Variants in ZNF44 observed in about 807,000 individuals in gnomAD.
The protein encoded by ZNF44 is zinc finger protein 44.
ZNF44 carries 9 observed loss-of-function variants against 11.7 expected under a neutral mutation model. That is an observed-to-expected ratio of 0.77 (90% CI 0.46 to 1.35). The LOEUF is 1.35. Among genes scored for constraint, ZNF44 ranks in the 40% most tolerant of loss-of-function variants. The pLI, the probability that ZNF44 is intolerant of heterozygous loss-of-function variation, is 0.00. For missense variants in ZNF44, 696 were observed against 743.1 expected (o/e 0.94, Z 0.74); for synonymous variants, 224 against 242.7 (o/e 0.92, Z 0.72).
chr19:12,237,924 G>A (rs566290106), upstream of ZNF44: 9 of 152,388 alleles, frequency 5.9e-5, no homozygotes, highest in African/African-American at 1.9e-4. Context: ...TCTTCCTTCT[G>A]GACGGGGGTT....
rs933560013 is a variant in ZNF44, at chr19:12,272,339, C to A, written c.*68G>T. On this transcript the variant is annotated 3_prime_UTR_variant, in exon 4 of 4. Coordinates refer to ENST00000355684, the MANE Select transcript of ZNF44 (RefSeq NM_016264.4). ...TAAGGCTTTACCACGTTTACATTCACAGGATTTATTTCTTTCAAGTATCTG... is the reference window on the plus strand; with the variant it reads ...TAAGGCTTTACCACGTTTACATTCAAAGGATTTATTTCTTTCAAGTATCTG... 4 of 1,442,014 alleles carry A rather than the reference C, an allele frequency of 2.8e-6. No homozygotes were observed. The highest frequency in any genetic ancestry group is 1.4e-5 in the African/African-American group (1 of 69,658). 89.3% of individuals were successfully genotyped at this position (1,442,014 alleles called of 1,614,324 possible). A position where few individuals can be genotyped will look rare whatever the true frequency, so the allele number is the denominator to read the frequency against.
intron 1 of ZNF44, among the ~76,000 whole-genome samples, chr19:12,280,163 G>A (rs1241754874): frequency 6.6e-6 from 1 of 152,064 alleles, no homozygotes; most frequent in Non-Finnish European, 1.5e-5. Context: ...AGGTTGCAGT[G>A]AGCCGAGATC....
At chr19:12,241,834 A>C (rs1916627408), upstream of ZNF44, among the ~76,000 whole-genome samples, 1 of 152,222 alleles carries the variant, frequency 6.6e-6, no homozygotes, top group African/African-American at 2.4e-5. Context: ...GGTGTATCCA[A>C]TATACCACAC....
chr19:12,231,457 C>T (rs903214666), intron 2 of ZNF44, among the ~76,000 whole-genome samples: 1 of 152,174 alleles, frequency 6.6e-6, no homozygotes, highest in African/African-American at 2.4e-5. Flanking sequence ...CAGATTTTGC[C>T]TTGAGGTGGA....
intron 3 of ZNF44, among the ~76,000 whole-genome samples, chr19:12,227,192 C>A (rs1235317307): frequency 6.6e-6 from 1 of 152,244 alleles, no homozygotes; most frequent in Non-Finnish European, 1.5e-5. Flanking sequence ...ATTGTGATAT[C>A]ACAATTTTCA....
chr19:12,294,759 A>G lies in ZNF44; in HGVS notation c.-65T>C. ...TAGTCAGGGTAGGTCCCAGCGCGAC[A>G]AAAGCCACCACAGATGTCCCAGGGC... On this transcript the variant is annotated 5_prime_UTR_variant, in exon 1 of 4. Transcript: ENST00000355684. 1 of 1,529,960 alleles carries G rather than the reference A, an allele frequency of 6.5e-7. No homozygotes were observed. Among genetic ancestry groups the G allele is most frequent in the Non-Finnish European group, 8.8e-7 (1 of 1,136,568 alleles). The allele number at this position is 1,529,960 out of a possible 1,614,324, so 94.8% of individuals were successfully genotyped here.
At chr19:12,288,788 A>G (rs1207609212) in intron 1 of ZNF44, among the ~76,000 whole-genome samples, 2 of 131,124 alleles carry the variant, frequency 1.5e-5, no homozygotes, top group Middle Eastern at 7.5e-3. Flanking sequence ...ATATATATAT[A>G]TATATATATA....
rs572164083 is a variant in ZNF44, at chr19:12,271,998, CTTT to C, written c.*406_*408del. ...CAACTCTATTTGAAAGAAATGGAAACTTTTTTTTTTTTTTTTGAGATGGAGTCT... is the reference window on the plus strand; with the variant it reads ...CAACTCTATTTGAAAGAAATGGAAACTTTTTTTTTTTTTGAGATGGAGTCT... On this transcript the variant is annotated 3_prime_UTR_variant, in exon 4 of 4. Coordinates refer to ENST00000355684, the MANE Select transcript of ZNF44 (RefSeq NM_016264.4). The C allele has an allele frequency of 4.2e-5, 6 of 141,776 alleles. No individual in the cohort carries two copies. The highest frequency in any genetic ancestry group is 6.2e-5 in the Non-Finnish European group (4 of 64,992). 8.8% of individuals were successfully genotyped at this position (141,776 alleles called of 1,614,324 possible). A position where few individuals can be genotyped will look rare whatever the true frequency, so the allele number is the denominator to read the frequency against.
intron 7 of ZNF44, chr19:12,248,753 T>G (rs946705933): frequency 3.2e-6 from 3 of 927,344 alleles, no homozygotes; most frequent in Non-Finnish European, 2.8e-6. Flanking sequence ...CTAGAATAAC[T>G]ATTTTTTCCA....
intron 1 of ZNF44, among the ~76,000 whole-genome samples, chr19:12,292,796 C>T (rs551417210): frequency 1.3e-5 from 2 of 150,604 alleles, no homozygotes; most frequent in East Asian, 2.0e-4. Flanking sequence ...ATAAGCCATG[C>T]GTCACCAAGG....
chr19:12,247,600 T>A, downstream of ZNF44: 1 of 1,333,384 alleles, frequency 7.5e-7, no homozygotes, highest in Non-Finnish European at 9.9e-7. Flanking sequence ...CCACATTTTT[T>A]ACATTCATAC....
chr19:12,267,199 C>G (rs1917769249), downstream of ZNF44, among the ~76,000 whole-genome samples: 5 of 151,978 alleles, frequency 3.3e-5, no homozygotes, highest in South Asian at 1.0e-3. Context: ...CACCCACCAC[C>G]ACACCAGGCT....
intron 5 of ZNF44, among the ~76,000 whole-genome samples, chr19:12,253,375 A>C (rs1917105596): frequency 6.6e-6 from 1 of 150,954 alleles, no homozygotes; most frequent in Non-Finnish European, 1.5e-5. Context: ...TTTTTAGTAG[A>C]GAGAGGGTTT....
chr19:12,273,421 C>A lies in ZNF44; in HGVS notation c.834G>T (p.Glu278Asp). ...YLRHERTHTG[E>D]KPYKCKQCGK... ...CACATTGTTTACATTTGTAGGGTTT[C>A]TCTCCAGTGTGAGTTCTTTCATGTC... is the stretch of plus-strand genomic sequence containing the variant. The change falls in exon 4 of 4, where the codon GAG becomes GAT. Residue 278 changes from glutamate (E) to aspartate (D), a missense_variant. By Grantham distance (45) the Glu-to-Asp change is conservative (BLOSUM62 2). Transcript: ENST00000355684. 6.2e-7 allele frequency: 1 copy of A among 1,614,068 alleles called. No homozygotes were observed. The highest frequency in any genetic ancestry group is 1.3e-5 in the African/African-American group (1 of 75,002).
intron 5 of ZNF44, chr19:12,260,148 T>A: frequency 1.3e-6 from 1 of 750,204 alleles, no homozygotes; most frequent in Non-Finnish European, 2.5e-6. Flanking sequence ...CTGCAATGGA[T>A]GGTCGTGCAG....
chr19:12,279,668 G>C (rs544573815), intron 1 of ZNF44, among the ~76,000 whole-genome samples: 1 of 151,958 alleles, frequency 6.6e-6, no homozygotes, highest in Non-Finnish European at 1.5e-5. Flanking sequence ...AAAGAACTAA[G>C]AGAAAACCAG....
At chr19:12,265,034 C>T (rs985858128) in intron 5 of ZNF44, among the ~76,000 whole-genome samples, 21 of 152,054 alleles carry the variant, frequency 1.4e-4, no homozygotes, top group African/African-American at 5.1e-4. Flanking sequence ...TTTAACACAC[C>T]TAGGAATTGT....
downstream of ZNF44, among the ~76,000 whole-genome samples, chr19:12,243,821 A>T (rs143022202): frequency 6.5e-3 from 985 of 152,100 alleles, 16 homozygotes; most frequent in African/African-American, 0.023. Flanking sequence ...CTGTACTCTA[A>T]CACTAATCTC....
At chr19:12,269,547 G>T (rs976868129), downstream of ZNF44, among the ~76,000 whole-genome samples, 4 of 137,316 alleles carry the variant, frequency 2.9e-5, no homozygotes, top group East Asian at 2.3e-4. Flanking sequence ...AATAAAATAA[G>T]AGATGGAGTC....
Sources: allele counts gnomAD v4.1 joint callset (sites outside exome capture counted in the v4.1 genomes callset), GRCh38; gene constraint gnomAD v4.1.1; transcripts MANE v1.5; gene names NCBI Gene and HGNC (gene_info 2026-07-23, HGNC 2026-07-21).